CLCN5: variants seen among roughly 807,000 people sequenced by gnomAD.
The protein encoded by CLCN5 is Cl-/H+ antiporter 5.
A neutral mutation model predicts 54.0 loss-of-function variants in CLCN5; 17 were observed. The observed-to-expected ratio is 0.31, with a 90% confidence interval of 0.22 to 0.47. The LOEUF (loss-of-function observed/expected upper bound fraction) is 0.47, where lower values mean the gene tolerates loss of function less well. Among genes scored for constraint, CLCN5 ranks in the 20% least tolerant of loss-of-function variants. The pLI is 1.00. For synonymous variants in CLCN5, 222 were observed against 233.0 expected, an observed-to-expected ratio of 0.95 and a Z score of 0.43; for missense variants, 448 against 646.7, an observed-to-expected ratio of 0.69 and a Z score of 3.33.
intron 4 of CLCN5, among the ~76,000 whole-genome samples, chrX:50,062,864 C>T (rs1370224084): frequency 1.9e-5 from 2 of 106,208 alleles, no homozygotes; most frequent in Admixed American, 1.0e-4. Flanking sequence ...TCACTCAAAG[C>T]CGCTCAACTA....
At chrX:49,980,460 A>G (rs1928680604) in intron 3 of CLCN5, among the ~76,000 whole-genome samples, 1 of 112,057 alleles carries the variant, frequency 8.9e-6, no homozygotes, top group Non-Finnish European at 1.9e-5. Flanking sequence ...AGAAAAATGT[A>G]TGAAAGGTTG....
chrX:50,040,374 T>C (rs1302028878), intron 3 of CLCN5, among the ~76,000 whole-genome samples: 1 of 111,930 alleles, frequency 8.9e-6, no homozygotes, highest in East Asian at 2.8e-4. Flanking sequence ...TCAATAATTT[T>C]GTACGTTATT....
At chrX:49,936,677 C>T (rs1557169797) in intron 3 of CLCN5, among the ~76,000 whole-genome samples, 1 of 112,421 alleles carries the variant, frequency 8.9e-6, no homozygotes, top group East Asian at 2.8e-4. Flanking sequence ...GCTCCGTGCA[C>T]TGTTGGTAGG....
chrX:50,055,088 C>T (rs1449570022), intron 4 of CLCN5, among the ~76,000 whole-genome samples: 3 of 111,524 alleles, frequency 2.7e-5, no homozygotes, highest in Non-Finnish European at 5.6e-5. Flanking sequence ...TCCTGTACCT[C>T]ACTGATGAGC....
At chrX:49,994,045 G>T (rs1178891960) in intron 3 of CLCN5, among the ~76,000 whole-genome samples, 1 of 111,881 alleles carries the variant, frequency 8.9e-6, no homozygotes, top group African/African-American at 3.2e-5. Flanking sequence ...TAAATACCGG[G>T]GTTAAAAGAG....
intron 1 of CLCN5, among the ~76,000 whole-genome samples, 195 bp downstream of exon 1, chrX:49,922,987 CA>C (rs1283410484): frequency 8.8e-6 from 1 of 113,121 alleles, no homozygotes; most frequent in Admixed American, 9.2e-5. Flanking sequence ...AGGCTAGTTC[CA>C]GCCAGTGCTG....
At chrX:49,983,213 G>C (rs1182344197) in intron 3 of CLCN5, among the ~76,000 whole-genome samples, 1 of 111,900 alleles carries the variant, frequency 8.9e-6, no homozygotes, top group South Asian at 3.7e-4. Flanking sequence ...GGTCTATTTG[G>C]GGGGACAACT....
At chrX:49,945,903 C>T in intron 3 of CLCN5, among the ~76,000 whole-genome samples, 1 of 108,564 alleles carries the variant, frequency 9.2e-6, no homozygotes, top group Non-Finnish European at 1.9e-5. Flanking sequence ...ACTACAGGCA[C>T]ACGCTGCCAC....
rs782411565 is a variant in CLCN5, at chrX:50,041,511, C to T, written c.17-805C>T. The stretch of plus-strand genomic sequence containing the variant: ...CTATGTTTCTTTTCCCCATGTCAGT[C>T]ATCTAGTATTTCTGTGCATATACAC... On this transcript the variant is annotated intron_variant, in intron 3 of 14. Coordinates refer to ENST00000376091, the MANE Select transcript of CLCN5 (RefSeq NM_001127898.4). 6.2e-4 allele frequency among the ~76,000 whole-genome samples: 69 copies of T among 110,924 alleles called. No homozygotes were observed. In the Middle Eastern group the frequency reaches 0.023, roughly 37 times the overall value.
intron 3 of CLCN5, among the ~76,000 whole-genome samples, chrX:50,002,659 CTCTG>C (rs1276574667): frequency 2.0e-3 from 198 of 100,252 alleles, no homozygotes; most frequent in African/African-American, 7.8e-3. Context: ...CTGTCTCTGT[CTCTG>C]TCTCTCTCTC....
intron 3 of CLCN5, among the ~76,000 whole-genome samples, chrX:49,940,260 G>A (rs1926256734): frequency 9.0e-6 from 1 of 111,711 alleles, no homozygotes; most frequent in Non-Finnish European, 1.9e-5. Context: ...TAAATCATTT[G>A]GTCAATAAAG....
chrX:50,067,560 C>G (rs1261765114), intron 4 of CLCN5: 2 of 748,324 alleles, frequency 2.7e-6, no homozygotes, highest in Non-Finnish European at 3.1e-6. Context: ...ACAGTGACAT[C>G]ACATTCTGAC....
intron 7 of CLCN5, among the ~76,000 whole-genome samples, chrX:50,079,888 T>C (rs1404764554): frequency 1.8e-5 from 2 of 111,110 alleles, no homozygotes; most frequent in East Asian, 5.7e-4. Context: ...GAGTTAATAA[T>C]GCTGTATACT....
At chrX:49,945,841 C>T (rs1557172014) in intron 3 of CLCN5, among the ~76,000 whole-genome samples, 2 of 108,593 alleles carry the variant, frequency 1.8e-5, no homozygotes, top group Admixed American at 2.0e-4. Context: ...ACTGCAACCT[C>T]CGCCTCCTGG....
At chrX:49,985,428 A>G (rs1238831722) in intron 3 of CLCN5, among the ~76,000 whole-genome samples, 1 of 111,828 alleles carries the variant, frequency 8.9e-6, no homozygotes, top group Non-Finnish European at 1.9e-5. Flanking sequence ...AAATATTTTT[A>G]CATGAATCAA....
chrX:49,930,650 A>G (rs192705612), intron 3 of CLCN5, among the ~76,000 whole-genome samples: 2 of 111,625 alleles, frequency 1.8e-5, no homozygotes, highest in East Asian at 2.8e-4. Context: ...GACCCCAAGT[A>G]TACTAAAATC....
chrX:49,986,311 A>AT (rs1928992157), intron 3 of CLCN5, among the ~76,000 whole-genome samples: 1 of 111,680 alleles, frequency 9.0e-6, no homozygotes, highest in Admixed American at 9.5e-5. Context: ...TATCGTGATT[A>AT]TTTTTTATTA....
chrX:50,019,436 C>T lies in CLCN5; in HGVS notation c.17-22880C>T, dbSNP rs192275699. Among the ~76,000 whole-genome samples, 204 of 97,183 alleles carry T rather than the reference C, an allele frequency of 2.1e-3. 2 individuals carry two copies. The highest frequency in any genetic ancestry group is 7.5e-3 in the African/African-American group (199 of 26,372). The allele number at this position is 97,183 out of a possible 115,157, so 84.4% of individuals were successfully genotyped here. On this transcript the variant is annotated intron_variant, in intron 3 of 14. Transcript: ENST00000376091. ...ACCAAAATACAAAAAGTAATTTGTG[C>T]CTTCTGTCTTTCATGCTTACTTTTT...
rs2147616073 is a variant in CLCN5 at position 50,094,425 on chromosome X, A to G, written c.*2206A>G. The G allele has an allele frequency of 8.9e-6, 1 of 111,881 alleles. No homozygotes were observed. The highest frequency in any genetic ancestry group is 3.3e-5 in the African/African-American group (1 of 30,747). The allele number at this position is 111,881 out of a possible 1,213,427, so 9.2% of individuals were successfully genotyped here. On this transcript the variant is annotated 3_prime_UTR_variant, in exon 15 of 15. Transcript: ENST00000376091. ...TTTCTGGTCCAATACCTGTCTTATT[A>G]GTTGTCCTTCCCCACTAAAGTTTGC...
Sources: allele counts gnomAD v4.1 joint callset (sites outside exome capture counted in the v4.1 genomes callset), GRCh38; gene constraint gnomAD v4.1.1; transcripts MANE v1.5; gene names NCBI Gene and HGNC (gene_info 2026-07-23, HGNC 2026-07-21).